HIVEP2: variants seen among roughly 807,000 people sequenced by gnomAD.
HIVEP2 encodes the protein transcription factor HIVEP2.
Under a neutral mutation model 180.7 loss-of-function variants are expected in HIVEP2, and 14 were observed. That is an observed-to-expected ratio of 0.08 (90% CI 0.05 to 0.12). HIVEP2 has a LOEUF of 0.12. HIVEP2 is among the 10% of genes least tolerant of loss of function. HIVEP2 has a pLI of 1.00. For missense variants in HIVEP2, 2,579 were observed against 3,008.5 expected (o/e 0.86, Z 3.34); for synonymous variants, 1,184 against 1,136.4 (o/e 1.04, Z -0.84).
Position 142,773,932 on chromosome 6 carries a change from T to C in HIVEP2, c.807A>G (p.Ala269=). 6.2e-7 allele frequency: 1 copy of C among 1,614,142 alleles called. No homozygotes were observed. The highest frequency in any genetic ancestry group is 8.5e-7 in the Non-Finnish European group (1 of 1,180,034). ...TCTGTTCACCATCTGAATGTATTTC[T>C]GCTTCTACATCAATAAAACCAGCCT... The part of the protein sequence containing the change: ...DLEAGFIDVE[A]EIHSDGEQST... The change falls in exon 5 of 10, where the codon GCA becomes GCG. Residue 269 remains alanine (A), a synonymous_variant. Transcript: ENST00000367603.
intron 1 of HIVEP2, among the ~76,000 whole-genome samples, chr6:142,893,060 A>T (rs558955563): frequency 6.6e-6 from 1 of 152,342 alleles, no homozygotes; most frequent in African/African-American, 2.4e-5. Context: ...AATCATTCTC[A>T]TGAAACAATT....
chr6:142,765,380 A>G (rs1469460829), intron 6 of HIVEP2, among the ~76,000 whole-genome samples: 2 of 152,250 alleles, frequency 1.3e-5, no homozygotes, highest in Non-Finnish European at 2.9e-5. Flanking sequence ...TTAACATTAC[A>G]TCATCTAAGA....
intron 1 of HIVEP2, among the ~76,000 whole-genome samples, chr6:142,912,646 G>A (rs891139516): frequency 5.3e-5 from 8 of 152,220 alleles, no homozygotes; most frequent in Non-Finnish European, 1.0e-4. Context: ...TCAGAGCAGC[G>A]GTAGCATTAG....
intron 1 of HIVEP2, among the ~76,000 whole-genome samples, chr6:142,862,022 A>T (rs1016127019): frequency 6.6e-6 from 1 of 152,016 alleles, no homozygotes; most frequent in Non-Finnish European, 1.5e-5. Context: ...CGTTACTTAA[A>T]TTTTTTTTCA....
At chr6:142,848,142 T>C (rs1317130386) in intron 1 of HIVEP2, among the ~76,000 whole-genome samples, 1 of 152,224 alleles carries the variant, frequency 6.6e-6, no homozygotes, top group East Asian at 1.9e-4. Flanking sequence ...CAAACTTTTT[T>C]CTAATGTTAC....
chr6:142,938,782 G>A (rs573471187), intron 1 of HIVEP2, among the ~76,000 whole-genome samples: 3 of 152,260 alleles, frequency 2.0e-5, no homozygotes, highest in South Asian at 2.1e-4. Context: ...TAAGAGCTTC[G>A]ATGATCTGCT....
rs555512220 is a variant in HIVEP2 at position 142,900,311 on chromosome 6, G to C, written c.-641+44788C>G. ...TGAGTATGGCTGCAAAGCACAGTGA[G>C]AGAAGAAACTTGACGTCTGAGAGTT... On this transcript the variant is annotated intron_variant, in intron 1 of 9. Transcript: ENST00000367603. Among the ~76,000 whole-genome samples the C allele has an allele frequency of 1.2e-4, 19 of 152,300 alleles. No homozygotes were observed. The South Asian group carries it at 3.7e-3, about 30-fold the overall frequency.
Position 142,776,175 on chromosome 6 carries a change from G to C in HIVEP2, c.-416C>G, listed in dbSNP as rs1775694023. The C allele has an allele frequency of 6.6e-6, 1 of 152,580 alleles. No individual in the cohort carries two copies. The highest frequency in any genetic ancestry group is 2.4e-5 in the African/African-American group (1 of 41,432). The allele number at this position is 152,580 out of a possible 1,614,324, so 9.5% of individuals were successfully genotyped here. A position where few individuals can be genotyped will look rare whatever the true frequency, so the allele number is the denominator to read the frequency against. ...AACAGTTTAGAGTTCTTATGGGCAT[G>C]ATTGTCCTGACGCTTCCTGGATACA... On this transcript the variant is annotated 5_prime_UTR_variant, in exon 4 of 10. In the 5' UTR this introduces an upstream ATG that the reference lacks. Transcript: ENST00000367603.
chr6:142,908,201 T>C (rs950347726), intron 1 of HIVEP2, among the ~76,000 whole-genome samples: 8 of 152,236 alleles, frequency 5.3e-5, no homozygotes, highest in Non-Finnish European at 1.0e-4. Flanking sequence ...ATTTGAATGG[T>C]GCCCTCACGA....
At chr6:142,917,807 G>A (rs1777594548) in intron 1 of HIVEP2, among the ~76,000 whole-genome samples, 1 of 151,528 alleles carries the variant, frequency 6.6e-6, no homozygotes. Flanking sequence ...ATAGAGTCTT[G>A]CTCTGTTGCC....
chr6:142,766,046 T>C (rs1228059532), intron 6 of HIVEP2, among the ~76,000 whole-genome samples: 3 of 152,186 alleles, frequency 2.0e-5, no homozygotes, highest in African/African-American at 7.2e-5. Context: ...GCACTAAATT[T>C]ACAGTTTTTT....
At position 142,820,512 on chromosome 6, in the gene HIVEP2, G is replaced by C. The variant is rs185728818; in HGVS notation, c.-528+16423C>G. Among the ~76,000 whole-genome samples, 20 of 152,272 alleles carry C rather than the reference G, an allele frequency of 1.3e-4. 1 individual carries two copies. The highest frequency in any genetic ancestry group is 2.5e-4 in the Non-Finnish European group (17 of 68,030). ...GAAGTTTGGGACAGCATCCACGAAGGAAAAGGTTGCTTCCTGCTGATTACT... is the reference window on the plus strand; with the variant it reads ...GAAGTTTGGGACAGCATCCACGAAGCAAAAGGTTGCTTCCTGCTGATTACT... On this transcript the variant is annotated intron_variant, in intron 2 of 9. Transcript: ENST00000367603.
intron 2 of HIVEP2, among the ~76,000 whole-genome samples, chr6:142,822,686 T>C (rs1376753453): frequency 6.6e-6 from 1 of 152,210 alleles, no homozygotes; most frequent in Non-Finnish European, 1.5e-5. Context: ...AATTCCATTA[T>C]CTCAGATCAA....
At chr6:142,798,116 T>C (rs1776322149) in intron 2 of HIVEP2, among the ~76,000 whole-genome samples, 1 of 152,024 alleles carries the variant, frequency 6.6e-6, no homozygotes, top group African/African-American at 2.4e-5. Context: ...TCTTTGGTCA[T>C]TGCTACTACC....
chr6:142,798,410 G>A (rs537015801), intron 2 of HIVEP2, among the ~76,000 whole-genome samples: 1 of 152,214 alleles, frequency 6.6e-6, no homozygotes, highest in South Asian at 2.1e-4. Context: ...TTTTGCTTTA[G>A]ATAGTTCCTG....
At chr6:142,902,590 T>C (rs918828850) in intron 1 of HIVEP2, among the ~76,000 whole-genome samples, 3 of 152,250 alleles carry the variant, frequency 2.0e-5, no homozygotes, top group African/African-American at 7.2e-5. Flanking sequence ...TCTTCTCTTT[T>C]GATGCTTTCA....
rs1279098282 is a variant in HIVEP2, at chr6:142,774,258, C to T, written c.481G>A (p.Ala161Thr). ...CTTTTCTGGGAGTATTGGCTATAAGCAGGGTTCAGACTTGAAATCTTTTTT... is the reference window on the plus strand; with the variant it reads ...CTTTTCTGGGAGTATTGGCTATAAGTAGGGTTCAGACTTGAAATCTTTTTT... The part of the protein sequence containing the change: ...PRKKISSLNP[A>T]YSQYSQKSIE... Residue 161 changes from alanine (A) to threonine (T), a missense_variant, in exon 5 of 10, where the codon GCT (alanine) becomes ACT (threonine). By Grantham distance (58) the Ala-to-Thr change is moderately conservative. This residue lies in a region of HIVEP2 where 207 missense variants were observed against 210.1 expected (regional missense o/e 0.99). Coordinates refer to ENST00000367603, the MANE Select transcript of HIVEP2 (RefSeq NM_006734.4). This position sits in a 1 kb window ranked among gnomAD's most constrained non-coding sequence, Gnocchi z 5.1. The T allele has an allele frequency of 6.2e-7, 1 of 1,614,140 alleles. No individual in the cohort carries two copies. Among genetic ancestry groups the T allele is most frequent in the Admixed American group, 1.7e-5 (1 of 60,028 alleles).
chr6:142,896,459 G>A (rs1776996369), intron 1 of HIVEP2, among the ~76,000 whole-genome samples: 1 of 152,102 alleles, frequency 6.6e-6, no homozygotes, highest in South Asian at 2.1e-4. Flanking sequence ...TAGAGGGGCT[G>A]AGAAAAAGCA....
At chr6:142,842,284 C>A (rs989855170) in intron 1 of HIVEP2, among the ~76,000 whole-genome samples, 9 of 152,086 alleles carry the variant, frequency 5.9e-5, no homozygotes, top group Non-Finnish European at 1.2e-4. Flanking sequence ...ATATGTTAAA[C>A]CTAAGTTTGA....
Sources: gnomAD v4.1 joint callset for allele counts (sites outside exome capture counted in the v4.1 genomes callset) on GRCh38, gnomAD v4.1.1 for gene constraint, gnomAD v4.1.1 regional missense constraint, Gnocchi (gnomAD v3.1) non-coding constraint, MANE v1.5 for transcripts, NCBI Gene and HGNC (gene_info 2026-07-23, HGNC 2026-07-21) for gene names.